BTBD1: variants seen among roughly 807,000 people sequenced by gnomAD.
BTBD1 encodes BTB domain containing 1.
A neutral mutation model predicts 48.0 loss-of-function variants in BTBD1; 34 were observed. The observed-to-expected ratio is 0.71, with a 90% CI of 0.54 to 0.94. The LOEUF is 0.94. Ranked by LOEUF, BTBD1 falls within the 40% of genes least tolerant of loss-of-function variation. The pLI is 0.00. For missense variants in BTBD1, 543 were observed against 625.6 expected (o/e 0.87, Z 1.41); for synonymous variants, 261 against 242.1 (o/e 1.08, Z -0.72).
intron 2 of BTBD1, among the ~76,000 whole-genome samples, chr15:83,052,688 T>C (rs531142665): frequency 5.3e-5 from 8 of 150,508 alleles, no homozygotes; most frequent in Non-Finnish European, 1.2e-4. Flanking sequence ...TGGAGTGCAG[T>C]GGCGTGATCT....
intron 2 of BTBD1, 50 bp downstream of exon 2, chr15:83,056,339 T>C: frequency 7.6e-7 from 1 of 1,314,488 alleles, no homozygotes; most frequent in South Asian, 1.2e-5. Flanking sequence ...ATATATAGTT[T>C]ACTCAATTTT....
chr15:83,024,377 T>C (rs1237759555), intron 5 of BTBD1: 1 of 152,226 alleles, frequency 6.6e-6, no homozygotes, highest in Non-Finnish European at 1.5e-5. Flanking sequence ...GTAATAAGTT[T>C]CCCATTTGTC....
At chr15:83,034,926 C>G (rs60819629) in intron 4 of BTBD1, among the ~76,000 whole-genome samples, 29,236 of 152,042 alleles carry the variant, frequency 0.19, 3,005 homozygotes, top group Non-Finnish European at 0.22. Flanking sequence ...TGAACAGATA[C>G]AGGACTATTC....
intron 4 of BTBD1, among the ~76,000 whole-genome samples, chr15:83,035,064 T>C (rs556885527): frequency 4.9e-4 from 74 of 152,244 alleles, no homozygotes; most frequent in Non-Finnish European, 9.0e-4. Flanking sequence ...GAGGCCATGA[T>C]GGGTGGATCA....
In BTBD1 at chr15:83,018,075, A is replaced by G. The variant is rs750538880; in HGVS notation, c.1441T>C (p.Tyr481His). 2 of 1,602,088 alleles carry G rather than the reference A, an allele frequency of 1.2e-6. No homozygotes were observed. Among genetic ancestry groups the G allele is most frequent in the Non-Finnish European group, 1.7e-6 (2 of 1,172,418 alleles). Residue 481 changes from tyrosine to histidine, a missense_variant, in exon 8 of 8, where the codon TAT becomes CAT. Physicochemically the swap from Tyr to His is moderately conservative, Grantham distance 83. Transcript: ENST00000261721. The part of the protein sequence containing the change: ...EDGQIPEIIF[Y>H]T The stretch of plus-strand genomic sequence containing the variant: ...TGTATTATAATGCTAAATTATGTAT[A>G]AAATATGATTTCTGGAATTTGTCCA...
chr15:83,042,030 A>G lies in BTBD1; in HGVS notation c.665-105T>C, dbSNP rs796838053. 17 of 909,194 alleles carry G rather than the reference A, an allele frequency of 1.9e-5. No individual in the cohort carries two copies. The African/African-American group carries it at 2.5e-4, about 13-fold the overall frequency. The allele number at this position is 909,194 out of a possible 1,614,324, so 56.3% of individuals were successfully genotyped here. ...TTAAGTTTTCAGATCTCAACAAAAA[A>G]TAGGTTAGACACTTAAAACTACAGA... On this transcript the variant is annotated intron_variant, in intron 3 of 7. Transcript: ENST00000261721.
chr15:83,018,866 A>G lies in BTBD1; in HGVS notation c.1144-13T>C, dbSNP rs758664495. 1.2e-6 allele frequency: 2 copies of G among 1,607,648 alleles called. No individual in the cohort carries two copies. Among genetic ancestry groups the G allele is most frequent in the Non-Finnish European group, 1.7e-6 (2 of 1,175,748 alleles). ...CATATTCAATGATCTGTAATTTTTA[A>G]GAGACAAGTTACATTTAAGTTAAAC... On this transcript the variant is annotated splice_polypyrimidine_tract_variant and intron_variant, in intron 6 of 7. Transcript: ENST00000261721.
chr15:83,062,880 G>A (rs1367606833), intron 1 of BTBD1, among the ~76,000 whole-genome samples: 1 of 152,074 alleles, frequency 6.6e-6, no homozygotes, highest in African/African-American at 2.4e-5. Flanking sequence ...CTCCTGAGAG[G>A]ACTGTTTATA....
At chr15:83,045,326 C>T (rs1350882683) in intron 3 of BTBD1, among the ~76,000 whole-genome samples, 5 of 152,072 alleles carry the variant, frequency 3.3e-5, no homozygotes, top group African/African-American at 1.2e-4. Context: ...GAAACCCCAT[C>T]GCCACAAAAA....
intron 7 of BTBD1, 117 bp downstream of exon 7, chr15:83,018,590 A>G: frequency 1.7e-6 from 2 of 1,165,506 alleles, no homozygotes; most frequent in Non-Finnish European, 2.4e-6. Context: ...TTTAGCTCCC[A>G]GCTTCTTTTC....
intron 4 of BTBD1, among the ~76,000 whole-genome samples, chr15:83,037,864 A>C (rs559600808): frequency 1.3e-5 from 2 of 152,292 alleles, no homozygotes; most frequent in South Asian, 4.1e-4. Context: ...AGGGTGGATC[A>C]CCTGAGGTCA....
At position 83,056,397 on chromosome 15, in the gene BTBD1, G is replaced by A. The variant is rs2033082413; in HGVS notation, c.550C>T (p.Leu184Phe). 1 of 1,612,446 alleles carries A rather than the reference G, an allele frequency of 6.2e-7. No individual in the cohort carries two copies. Among genetic ancestry groups the A allele is most frequent in the Non-Finnish European group, 8.5e-7 (1 of 1,178,626 alleles). ...HLRADNAFML[L>F]TQARLFDEPQ... ...TAGCTACATTTACTTACCTGAGTAA[G>A]TAACATAAAGGCATTATCTGCCCTA... The change falls in exon 2 of 8, where the codon CTT becomes TTT. Residue 184 changes from leucine to phenylalanine, a missense_variant. Physicochemically the swap from Leu to Phe is conservative, Grantham distance 22. This residue lies in a region of BTBD1 where 70 missense variants were observed against 111.7 expected (regional missense o/e 0.63). Coordinates refer to ENST00000261721, the MANE Select transcript of BTBD1 (RefSeq NM_025238.4).
At chr15:83,035,373 AG>A (rs1396320064) in intron 4 of BTBD1, among the ~76,000 whole-genome samples, 3 of 152,184 alleles carry the variant, frequency 2.0e-5, no homozygotes, top group Non-Finnish European at 4.4e-5. Flanking sequence ...CAAATTTCAA[AG>A]CATTGAAATG....
At chr15:83,061,460 C>A (rs969859726) in intron 1 of BTBD1, 1 of 152,182 alleles carries the variant, frequency 6.6e-6, no homozygotes, top group South Asian at 2.1e-4. Flanking sequence ...AGAAATCATA[C>A]TTTCTTGTGT....
At chr15:83,064,803 A>G (rs1485708702) in intron 1 of BTBD1, among the ~76,000 whole-genome samples, 1 of 152,190 alleles carries the variant, frequency 6.6e-6, no homozygotes, top group Non-Finnish European at 1.5e-5. Flanking sequence ...AATGAACTAT[A>G]CCCAATCCTC....
chr15:83,066,917 G>C lies in BTBD1; in HGVS notation c.235C>G (p.Arg79Gly). 4 of 1,534,806 alleles carry C rather than the reference G, an allele frequency of 2.6e-6. No individual in the cohort carries two copies. The highest frequency in any genetic ancestry group is 3.5e-6 in the Non-Finnish European group (4 of 1,146,218). Reference sequence around the variant, plus strand: ...GGGCCCCCAGCGGCGGCGGCGCCGCGACCCTTGCCCAGTACGAAGCGCACA... The same window carrying C: ...GGGCCCCCAGCGGCGGCGGCGCCGCCACCCTTGCCCAGTACGAAGCGCACA... ...SDVRFVLGKG[R>G]GAAAAGGPQR... The change falls in exon 1 of 8, where the codon CGC becomes GGC. Residue 79 changes from arginine to glycine, a missense_variant. Physicochemically the swap from Arg to Gly is moderately radical, Grantham distance 125. Coordinates refer to ENST00000261721, the MANE Select transcript of BTBD1 (RefSeq NM_025238.4).
chr15:83,026,698 T>C (rs2151301154), intron 5 of BTBD1, among the ~76,000 whole-genome samples: 1 of 152,082 alleles, frequency 6.6e-6, no homozygotes, highest in East Asian at 1.9e-4. Flanking sequence ...AATTTTGTAT[T>C]TTTAGTAGAG....
intron 5 of BTBD1, chr15:83,029,866 T>C (rs1451764747): frequency 2.5e-6 from 1 of 393,824 alleles, no homozygotes; most frequent in African/African-American, 2.1e-5. Flanking sequence ...GACTCCATCT[T>C]GGGGAAAAAC....
chr15:83,041,137 G>C (rs2032747865), intron 4 of BTBD1, among the ~76,000 whole-genome samples: 1 of 136,828 alleles, frequency 7.3e-6, no homozygotes, highest in South Asian at 2.2e-4. Flanking sequence ...GGGTAACAGA[G>C]GAAGACTCTG....
Sources: gnomAD v4.1 joint callset for allele counts (sites outside exome capture counted in the v4.1 genomes callset) on GRCh38, gnomAD v4.1.1 for gene constraint, gnomAD v4.1.1 regional missense constraint, MANE v1.5 for transcripts, NCBI Gene and HGNC (gene_info 2026-07-23, HGNC 2026-07-21) for gene names.